Variants in GALNTL6 observed in about 807,000 individuals in gnomAD.
GALNTL6 encodes polypeptide N-acetylgalactosaminyltransferase like 6.
A neutral mutation model predicts 73.7 loss-of-function variants in GALNTL6; 46 were observed. The observed-to-expected ratio is 0.62, with a 90% CI of 0.49 to 0.80. GALNTL6 has a LOEUF of 0.80. Among genes scored for constraint, GALNTL6 ranks in the 30% least tolerant of loss-of-function variants. The probability of loss-of-function intolerance (pLI) is 0.00; values close to 1 mark genes in which losing one functional copy is unlikely to be tolerated. For missense variants in GALNTL6, 604 were observed against 755.0 expected, an observed-to-expected ratio of 0.80 and a Z score of 2.34; for synonymous variants, 259 against 263.7, an observed-to-expected ratio of 0.98 and a Z score of 0.17.
intron 5 of GALNTL6, among the ~76,000 whole-genome samples, chr4:172,540,697 C>G (rs1311737297): frequency 6.6e-6 from 1 of 152,144 alleles, no homozygotes; most frequent in Non-Finnish European, 1.5e-5. Context: ...GAACTGGACA[C>G]TTACAAGTCA....
At chr4:172,755,129 G>T (rs1737673301) in intron 5 of GALNTL6, among the ~76,000 whole-genome samples, 1 of 151,996 alleles carries the variant, frequency 6.6e-6, no homozygotes, top group African/African-American at 2.4e-5. Context: ...GTCATTTGCA[G>T]ATTCTACTAC....
chr4:172,062,921 A>C (rs886429354), intron 2 of GALNTL6, among the ~76,000 whole-genome samples: 1 of 152,212 alleles, frequency 6.6e-6, no homozygotes, highest in African/African-American at 2.4e-5. Context: ...AAGCAATGTA[A>C]AATTTAATAA....
At chr4:172,251,897 T>A (rs1482261625) in intron 3 of GALNTL6, among the ~76,000 whole-genome samples, 1 of 152,052 alleles carries the variant, frequency 6.6e-6, no homozygotes, top group Non-Finnish European at 1.5e-5. Context: ...AAAGTATCAA[T>A]GAAACTATAA....
chr4:172,628,441 C>G (rs17058683), intron 5 of GALNTL6, among the ~76,000 whole-genome samples: 1 of 151,696 alleles, frequency 6.6e-6, no homozygotes. Context: ...TTAAACTCTG[C>G]TGCAGGTAGG....
At chr4:171,978,974 T>C (rs1317314729) in intron 2 of GALNTL6, among the ~76,000 whole-genome samples, 1 of 152,198 alleles carries the variant, frequency 6.6e-6, no homozygotes, top group Admixed American at 6.5e-5. Context: ...GGAGATGGCA[T>C]GTTATTATAC....
At chr4:172,193,047 C>T (rs926149288) in intron 2 of GALNTL6, among the ~76,000 whole-genome samples, 2 of 152,220 alleles carry the variant, frequency 1.3e-5, no homozygotes, top group African/African-American at 4.8e-5. Flanking sequence ...GGTGGAGGGG[C>T]AGTGGCAGTC....
chr4:172,083,709 C>T (rs1207485880), intron 2 of GALNTL6, among the ~76,000 whole-genome samples: 2 of 152,108 alleles, frequency 1.3e-5, no homozygotes, highest in African/African-American at 4.8e-5. Context: ...TCCTCTATGC[C>T]ACATATCATG....
chr4:172,637,125 TTAC>T (rs1434527010), intron 5 of GALNTL6, among the ~76,000 whole-genome samples: 2 of 152,160 alleles, frequency 1.3e-5, no homozygotes, highest in African/African-American at 4.8e-5. Flanking sequence ...CATTAATCAA[TTAC>T]TAATTCAGAA....
chr4:172,304,730 G>C (rs1740065801), intron 3 of GALNTL6, among the ~76,000 whole-genome samples: 1 of 152,030 alleles, frequency 6.6e-6, no homozygotes. Context: ...CATCTTAAGA[G>C]ATCTCTATTT....
intron 2 of GALNTL6, among the ~76,000 whole-genome samples, chr4:171,909,755 G>C (rs530797684): frequency 1.8e-4 from 28 of 152,188 alleles, no homozygotes; most frequent in African/African-American, 6.7e-4. Flanking sequence ...ATAACTCCTT[G>C]TATTATATTA....
chr4:172,695,097 C>T (rs1471758718), intron 5 of GALNTL6, among the ~76,000 whole-genome samples: 2 of 152,148 alleles, frequency 1.3e-5, no homozygotes, highest in African/African-American at 4.8e-5. Flanking sequence ...ATAGTGTGTC[C>T]ATCACAGTTC....
At chr4:172,031,203 G>A (rs1048898103) in intron 2 of GALNTL6, among the ~76,000 whole-genome samples, 1 of 132,232 alleles carries the variant, frequency 7.6e-6, no homozygotes, top group African/African-American at 2.7e-5. Flanking sequence ...TTTCACCTGG[G>A]GGAGAGGATC....
At chr4:171,831,152 C>A (rs1333093845) in intron 2 of GALNTL6, among the ~76,000 whole-genome samples, 1 of 151,972 alleles carries the variant, frequency 6.6e-6, no homozygotes, top group East Asian at 1.9e-4. Flanking sequence ...ACAAGTCCTC[C>A]TTTGAACAAC....
chr4:172,335,417 CT>C (rs1363333298), intron 4 of GALNTL6, among the ~76,000 whole-genome samples: 3 of 152,122 alleles, frequency 2.0e-5, no homozygotes, highest in Non-Finnish European at 4.4e-5. Context: ...TTCATTGTGT[CT>C]TTGCCAGATT....
At chr4:172,845,216 C>CAAAAAAA (rs11336973) in intron 7 of GALNTL6, among the ~76,000 whole-genome samples, 11 of 91,038 alleles carry the variant, frequency 1.2e-4, no homozygotes, top group African/African-American at 4.2e-4. Context: ...GTCTCTGTCT[C>CAAAAAAA]AAAAAAAAAA....
intron 5 of GALNTL6, among the ~76,000 whole-genome samples, chr4:172,408,876 A>G (rs911260157): frequency 1.6e-4 from 25 of 152,164 alleles, no homozygotes; most frequent in Middle Eastern, 3.4e-3. Context: ...ATTTTTACCA[A>G]TAGAAATCTT....
chr4:171,858,254 C>A (rs1342202381), intron 2 of GALNTL6, among the ~76,000 whole-genome samples: 3 of 152,058 alleles, frequency 2.0e-5, no homozygotes, highest in African/African-American at 7.2e-5. Context: ...GTTATCTTCA[C>A]TGAAATAATA....
chr4:172,161,387 A>G (rs1734462307), intron 2 of GALNTL6, among the ~76,000 whole-genome samples: 1 of 152,050 alleles, frequency 6.6e-6, no homozygotes. Flanking sequence ...CAAAATTAGA[A>G]TATATTTTGG....
At chr4:172,907,584 C>G (rs1451746864) in intron 8 of GALNTL6, among the ~76,000 whole-genome samples, 1 of 152,192 alleles carries the variant, frequency 6.6e-6, no homozygotes, top group East Asian at 1.9e-4. Flanking sequence ...CCCCCTTATC[C>G]ATGTGGATAC....
Sources: allele counts gnomAD v4.1 joint callset (sites outside exome capture counted in the v4.1 genomes callset), GRCh38; gene constraint gnomAD v4.1.1; transcripts MANE v1.5; gene names NCBI Gene and HGNC (gene_info 2026-07-23, HGNC 2026-07-21).